The following SEMA6D variants were observed in gnomAD, a reference collection of about 807,000 sequenced individuals.
The protein encoded by SEMA6D is semaphorin 6D, also known as semaphorin-6D.
In SEMA6D, 35 loss-of-function variants were observed where a neutral mutation model predicts 106.6. That is an observed-to-expected ratio of 0.33 (90% CI 0.25 to 0.44). The LOEUF (loss-of-function observed/expected upper bound fraction) is 0.44. Among genes scored for constraint, SEMA6D ranks in the 20% least tolerant of loss-of-function variants. SEMA6D has a pLI of 1.00. For synonymous variants in SEMA6D, 499 were observed against 487.7 expected (o/e 1.02, Z -0.31); for missense variants, 1,185 against 1,345.9 (o/e 0.88, Z 1.87).
intron 1 of SEMA6D, among the ~76,000 whole-genome samples, chr15:47,263,336 T>C (rs1165245224): frequency 1.3e-5 from 2 of 152,024 alleles, no homozygotes; most frequent in Non-Finnish European, 2.9e-5. Flanking sequence ...ATAAGGAATT[T>C]AAACAAATTT....
intron 3 of SEMA6D, among the ~76,000 whole-genome samples, chr15:47,511,364 C>G (rs1259418358): frequency 6.6e-6 from 1 of 152,210 alleles, no homozygotes; most frequent in African/African-American, 2.4e-5. Context: ...CAAGTGCTCA[C>G]AAATCATCTA....
chr15:47,342,112 G>T (rs1332767726), intron 1 of SEMA6D, among the ~76,000 whole-genome samples: 1 of 151,738 alleles, frequency 6.6e-6, no homozygotes, highest in Non-Finnish European at 1.5e-5. Flanking sequence ...TTAGGTTCCT[G>T]TGTTAGCAGA....
At chr15:47,382,947 A>G (rs1028372193) in intron 1 of SEMA6D, among the ~76,000 whole-genome samples, 1 of 142,550 alleles carries the variant, frequency 7.0e-6, no homozygotes, top group Non-Finnish European at 1.6e-5. Context: ...TTTGTATTTT[A>G]ATAGAGACAG....
chr15:47,328,887 A>T (rs1282468401), intron 1 of SEMA6D, among the ~76,000 whole-genome samples: 1 of 152,204 alleles, frequency 6.6e-6, no homozygotes, highest in Non-Finnish European at 1.5e-5. Flanking sequence ...TTCTCAGTTA[A>T]TTATTCTCCA....
intron 1 of SEMA6D, among the ~76,000 whole-genome samples, chr15:47,362,306 T>A (rs1256830819): frequency 5.3e-5 from 8 of 152,100 alleles, no homozygotes; most frequent in African/African-American, 1.9e-4. Flanking sequence ...AAGGAGTGGA[T>A]AAATAGTATG....
intron 1 of SEMA6D, among the ~76,000 whole-genome samples, chr15:47,249,811 G>T (rs1225823615): frequency 2.0e-5 from 3 of 152,144 alleles, no homozygotes; most frequent in Non-Finnish European, 4.4e-5. Context: ...GTTTGAATTT[G>T]GTTAATAAGC....
chr15:47,701,190 A>G (rs1435954566), intron 4 of SEMA6D, among the ~76,000 whole-genome samples: 1 of 152,234 alleles, frequency 6.6e-6, no homozygotes, highest in Non-Finnish European at 1.5e-5. Context: ...TTCCCAAATG[A>G]CATGTCTGAT....
chr15:47,531,520 T>C (rs1209011113), intron 3 of SEMA6D, among the ~76,000 whole-genome samples: 1 of 152,242 alleles, frequency 6.6e-6, no homozygotes, highest in African/African-American at 2.4e-5. Context: ...TTGAACATAT[T>C]TTCAGGTAAA....
chr15:47,460,030 A>G (rs1363362224), intron 2 of SEMA6D, among the ~76,000 whole-genome samples: 1 of 151,968 alleles, frequency 6.6e-6, no homozygotes, highest in Non-Finnish European at 1.5e-5. Context: ...AAAATCTTAC[A>G]TACAAACTTA....
intron 3 of SEMA6D, among the ~76,000 whole-genome samples, chr15:47,576,710 T>G (rs1331303759): frequency 6.6e-6 from 1 of 152,186 alleles, no homozygotes; most frequent in East Asian, 1.9e-4. Flanking sequence ...GGACCCGGGC[T>G]AGGCACTAGC....
At chr15:47,739,145 C>T (rs550422655) in intron 1 of SEMA6D, among the ~76,000 whole-genome samples, 59 of 152,316 alleles carry the variant, frequency 3.9e-4, no homozygotes, top group Admixed American at 2.7e-3. Context: ...AGCCCAGATT[C>T]ACAGGGAGGA....
chr15:47,194,813 T>A (rs1018824554), intron 1 of SEMA6D, among the ~76,000 whole-genome samples: 6 of 152,194 alleles, frequency 3.9e-5, no homozygotes, highest in African/African-American at 1.4e-4. Context: ...GGAAGATACT[T>A]CATATGGAAG....
intron 3 of SEMA6D, among the ~76,000 whole-genome samples, chr15:47,555,041 G>T (rs142563360): frequency 6.6e-6 from 1 of 152,102 alleles, no homozygotes; most frequent in Non-Finnish European, 1.5e-5. Flanking sequence ...AAGCAGGCCC[G>T]CTTCAAATAT....
chr15:47,646,392 C>G (rs1303006078), intron 4 of SEMA6D, among the ~76,000 whole-genome samples: 2 of 152,122 alleles, frequency 1.3e-5, no homozygotes, highest in Non-Finnish European at 2.9e-5. Context: ...CCTACCTAGA[C>G]ATGAGAACGG....
At chr15:47,304,427 T>G in intron 1 of SEMA6D, among the ~76,000 whole-genome samples, 1 of 97,704 alleles carries the variant, frequency 1.0e-5, no homozygotes, top group Non-Finnish European at 1.7e-5. Context: ...GCCTGAGCCT[T>G]CTAACTAAAA....
At chr15:47,762,069 A>T in intron 7 of SEMA6D, 131 bp from the exon 8 acceptor site, 1 of 966,774 alleles carries the variant, frequency 1.0e-6, no homozygotes, top group Non-Finnish European at 1.5e-6. Flanking sequence ...GGTGAGAATC[A>T]GGTGTAGCCC....
rs564907618 is a variant in SEMA6D, at chr15:47,371,220, T to C, written c.-238-41173T>C. On this transcript the variant is annotated intron_variant, in intron 1 of 19. Coordinates refer to the SEMA6D transcript ENST00000558014. ...GGATGGCATTTTGGAGACATTTTGC[T>C]GTCCATTGTAATGCTCATTCATTAC... 4.3e-4 allele frequency among the ~76,000 whole-genome samples: 65 copies of C among 152,342 alleles called. No individual in the cohort carries two copies. The Middle Eastern group carries it at 0.01, about 24-fold the overall frequency.
At chr15:47,351,055 C>T (rs1230001657) in intron 1 of SEMA6D, among the ~76,000 whole-genome samples, 2 of 152,148 alleles carry the variant, frequency 1.3e-5, no homozygotes, top group South Asian at 4.1e-4. Flanking sequence ...ATACCCTGCC[C>T]AGCTGTCAAG....
intron 4 of SEMA6D, among the ~76,000 whole-genome samples, chr15:47,605,642 C>T (rs988178129): frequency 2.6e-5 from 4 of 152,192 alleles, no homozygotes; most frequent in African/African-American, 9.6e-5. Context: ...CCCCACCAGG[C>T]AGCCCAGGAT....
Sources: gnomAD v4.1 joint callset for allele counts (sites outside exome capture counted in the v4.1 genomes callset) on GRCh38, gnomAD v4.1.1 for gene constraint, MANE v1.5 for transcripts, NCBI Gene and HGNC (gene_info 2026-07-23, HGNC 2026-07-21) for gene names.